Variants in ADAM20 observed in about 807,000 individuals in gnomAD.
The protein encoded by ADAM20 is disintegrin and metalloproteinase domain-containing protein 20.
For missense variants in ADAM20, 871 were observed against 883.2 expected (o/e 0.99, Z 0.18); for synonymous variants, 305 against 310.2 (o/e 0.98, Z 0.18).
the ADAM20 span, among the ~76,000 whole-genome samples, chr14:70,576,630 A>G: frequency 6.6e-6 from 1 of 152,184 alleles, no homozygotes. Context: ...ACTAACAAGC[A>G]GATGGCAATA....
upstream of ADAM20, among the ~76,000 whole-genome samples, chr14:70,536,338 C>A (rs1595025423): frequency 2.0e-5 from 3 of 151,436 alleles, no homozygotes. Flanking sequence ...TGGTGGTGGG[C>A]ATCTGTAATC....
upstream of ADAM20, among the ~76,000 whole-genome samples, chr14:70,535,306 C>A (rs1883809245): frequency 6.6e-6 from 1 of 152,048 alleles, no homozygotes; most frequent in African/African-American, 2.4e-5. Context: ...TTGTTTTAAC[C>A]ATACAACCAA....
chr14:70,559,291 G>A, the ADAM20 span, among the ~76,000 whole-genome samples: 2 of 147,770 alleles, frequency 1.4e-5, no homozygotes, highest in Admixed American at 1.3e-4. Flanking sequence ...AAAAAAAAAA[G>A]CTTACAGTCA....
chr14:70,527,456 T>C (rs1883614367), intron 1 of ADAM20, among the ~76,000 whole-genome samples: 1 of 152,160 alleles, frequency 6.6e-6, no homozygotes, highest in Admixed American at 6.6e-5. Flanking sequence ...ATATTTATCT[T>C]CCTTTATTCT....
At chr14:70,557,453 T>C in the ADAM20 span, 1 of 152,232 alleles carries the variant, frequency 6.6e-6, no homozygotes, top group African/African-American at 2.4e-5. Flanking sequence ...AACAATTCTT[T>C]GCACCGTAAT....
chr14:70,548,950 G>T, the ADAM20 span, among the ~76,000 whole-genome samples: 1 of 117,612 alleles, frequency 8.5e-6, no homozygotes, highest in African/African-American at 3.4e-5. Flanking sequence ...ACTAACAGCG[G>T]ATCTCTCGGC....
At chr14:70,571,089 G>A in the ADAM20 span, among the ~76,000 whole-genome samples, 2 of 152,036 alleles carry the variant, frequency 1.3e-5, no homozygotes, top group Non-Finnish European at 2.9e-5. Context: ...ACTGGACATC[G>A]AAGGAACATA....
chr14:70,575,073 T>C, the ADAM20 span, among the ~76,000 whole-genome samples: 96 of 151,948 alleles, frequency 6.3e-4, no homozygotes, highest in Non-Finnish European at 1.1e-3. Context: ...TCAATTGGTA[T>C]AAATTTTCTG....
At chr14:70,568,912 C>G in the ADAM20 span, among the ~76,000 whole-genome samples, 1 of 152,034 alleles carries the variant, frequency 6.6e-6, no homozygotes, top group Non-Finnish European at 1.5e-5. Context: ...TTTCCCTAAT[C>G]TTGCTAGAGA....
upstream of ADAM20, among the ~76,000 whole-genome samples, chr14:70,537,079 G>C (rs943434377): frequency 3.9e-5 from 6 of 152,110 alleles, no homozygotes; most frequent in African/African-American, 1.4e-4. Flanking sequence ...TGAAACCTGG[G>C]ATGGGTGTTG....
At chr14:70,558,437 TTAAC>T in the ADAM20 span, among the ~76,000 whole-genome samples, 3 of 152,182 alleles carry the variant, frequency 2.0e-5, no homozygotes, top group Non-Finnish European at 4.4e-5. Flanking sequence ...GGTGAATTAC[TTAAC>T]TTTCAAACAT....
intron 1 of ADAM20, among the ~76,000 whole-genome samples, chr14:70,529,583 C>T (rs1043479069): frequency 6.6e-6 from 1 of 152,166 alleles, no homozygotes; most frequent in African/African-American, 2.4e-5. Flanking sequence ...TGCTACTATA[C>T]TGAATACTAT....
At chr14:70,553,309 TAA>T in the ADAM20 span, among the ~76,000 whole-genome samples, 387 of 17,242 alleles carry the variant, frequency 0.022, 2 homozygotes, top group African/African-American at 0.07. Context: ...TAGAGTATAA[TAA>T]AAAAAAAAAA....
the ADAM20 span, among the ~76,000 whole-genome samples, chr14:70,550,010 G>C: frequency 2.0e-5 from 1 of 50,214 alleles, no homozygotes; most frequent in African/African-American, 9.9e-5. Flanking sequence ...CTCACTCAAA[G>C]CCACTCAACT....
the ADAM20 span, among the ~76,000 whole-genome samples, chr14:70,561,034 G>A: frequency 6.6e-6 from 1 of 152,192 alleles, no homozygotes; most frequent in Non-Finnish European, 1.5e-5. Flanking sequence ...GAAGAAGACA[G>A]GAAGATATGG....
chr14:70,579,148 C>A, the ADAM20 span, among the ~76,000 whole-genome samples: 6 of 152,054 alleles, frequency 3.9e-5, no homozygotes, highest in Non-Finnish European at 8.8e-5. Flanking sequence ...AATAAACATA[C>A]AAGTGCAGGT....
intron 1 of ADAM20, among the ~76,000 whole-genome samples, chr14:70,528,351 G>T (rs1317344701): frequency 6.6e-6 from 1 of 152,200 alleles, no homozygotes; most frequent in Non-Finnish European, 1.5e-5. Flanking sequence ...AGATATGGTT[G>T]TGAGGAAATG....
chr14:70,558,132 C>T, the ADAM20 span, among the ~76,000 whole-genome samples: 1 of 152,102 alleles, frequency 6.6e-6, no homozygotes, highest in African/African-American at 2.4e-5. Context: ...TTGACAGGTA[C>T]AGCTTCCCTT....
chr14:70,541,632 A>T, the ADAM20 span, among the ~76,000 whole-genome samples: 1 of 152,236 alleles, frequency 6.6e-6, no homozygotes, highest in Admixed American at 6.5e-5. Flanking sequence ...CACTAATATA[A>T]AGGTAAAACT....
Sources: allele counts gnomAD v4.1 joint callset (sites outside exome capture counted in the v4.1 genomes callset), GRCh38; gene constraint gnomAD v4.1.1; transcripts MANE v1.5; gene names NCBI Gene and HGNC (gene_info 2026-07-23, HGNC 2026-07-21).